The following ZFR variants were observed in gnomAD, a reference collection of about 807,000 sequenced individuals.
ZFR encodes zinc finger RNA binding protein.
A neutral mutation model predicts 130.7 loss-of-function variants in ZFR; 19 were observed. That is an observed-to-expected ratio of 0.15 (90% confidence interval 0.10 to 0.21). The LOEUF (loss-of-function observed/expected upper bound fraction) is 0.21. Ranked by LOEUF, ZFR falls within the 10% of genes least tolerant of loss-of-function variation. The probability of loss-of-function intolerance (pLI) is 1.00; values close to 1 mark genes in which losing one functional copy is unlikely to be tolerated. For missense variants in ZFR, 872 were observed against 1,321.5 expected (o/e 0.66, Z 5.27); for synonymous variants, 466 against 456.9 (o/e 1.02, Z -0.25).
intron 5 of ZFR, among the ~76,000 whole-genome samples, chr5:32,412,048 G>C (rs973270897): frequency 6.6e-6 from 1 of 152,164 alleles, no homozygotes; most frequent in African/African-American, 2.4e-5. Context: ...AATGTGAAAG[G>C]ATTTTGCAAC....
At chr5:32,397,404 A>G (rs1753338273) in intron 9 of ZFR, 66 bp from the exon 10 acceptor site, 1 of 1,557,064 alleles carries the variant, frequency 6.4e-7, no homozygotes. Context: ...AAACCCCCAC[A>G]TATTATTTGA....
At chr5:32,402,743 A>G (rs901445409) in intron 8 of ZFR, among the ~76,000 whole-genome samples, 1 of 150,588 alleles carries the variant, frequency 6.6e-6, no homozygotes, top group Non-Finnish European at 1.5e-5. Context: ...GTGCTACTGC[A>G]CTCCAGCCTC....
intron 2 of ZFR, among the ~76,000 whole-genome samples, chr5:32,433,531 C>G (rs943857983): frequency 6.6e-6 from 1 of 152,166 alleles, no homozygotes; most frequent in African/African-American, 2.4e-5. Context: ...TCTTCCTGCA[C>G]TTGCAGGGTC....
chr5:32,422,798 C>CAAAAAAAAAAAA lies in ZFR; in HGVS notation c.138-2707_138-2696dup, dbSNP rs10693151. Among the ~76,000 whole-genome samples the CAAAAAAAAAAAA allele has an allele frequency of 1.8e-3, 43 of 24,000 alleles. 1 individual carries two copies. The highest frequency in any genetic ancestry group is 5.6e-3 in the African/African-American group (38 of 6,750). The allele number at this position is 24,000 out of a possible 152,430, so 15.7% of individuals were successfully genotyped here. On this transcript the variant is annotated intron_variant, in intron 2 of 19. Transcript: ENST00000265069. ...CTGGATGACAGAGTAAAACCTGTCT[C>CAAAAAAAAAAAA]AAAAAAAAAAAAAAAAAAAAAAAAG...
intron 2 of ZFR, among the ~76,000 whole-genome samples, chr5:32,423,192 G>T (rs1024588810): frequency 6.6e-6 from 1 of 152,066 alleles, no homozygotes; most frequent in African/African-American, 2.4e-5. Flanking sequence ...AATTAGCCGC[G>T]TGTCGTGGCA....
At position 32,390,467 on chromosome 5, in the gene ZFR, T is replaced by C. The variant is rs746178041; in HGVS notation, c.1980-30A>G. 28 of 1,588,598 alleles carry C rather than the reference T, an allele frequency of 1.8e-5. No individual in the cohort carries two copies. The South Asian group carries it at 2.9e-4, about 17-fold the overall frequency. On this transcript the variant is annotated intron_variant, in intron 11 of 19. Transcript: ENST00000265069. ...AACATAAAGAATGACATTATAAGCA[T>C]ATGAGGAAAAATACAGCCCAAGAAC... is the stretch of plus-strand genomic sequence containing the variant.
At chr5:32,438,872 T>C (rs1400222936) in intron 2 of ZFR, among the ~76,000 whole-genome samples, 1 of 152,210 alleles carries the variant, frequency 6.6e-6, no homozygotes, top group Non-Finnish European at 1.5e-5. Flanking sequence ...ATTTTATATT[T>C]AAACTTCACC....
rs148538401 is a variant in ZFR at position 32,364,242 on chromosome 5, T to C, written c.2869A>G (p.Ser957Gly). 17 of 1,610,270 alleles carry C rather than the reference T, an allele frequency of 1.1e-5. No homozygotes were observed. In the African/African-American group the frequency reaches 2.3e-4, roughly 22 times the overall value. The change falls in exon 18 of 20, where the codon AGT (serine) becomes GGT (glycine). Residue 957 changes from serine (S) to glycine (G), a missense_variant. By Grantham distance (56) the Ser-to-Gly change is moderately conservative (BLOSUM62 0). Transcript: ENST00000265069. ...CCAGGGCTCTGAGGGCTAGAAGCAC[T>C]GCTGATTGCTTTCTCTACTAGTAAC... ...MELLVEKAISSASSPQSPGDA... is the reference protein window; with the variant it reads ...MELLVEKAISGASSPQSPGDA...
chr5:32,417,481 G>A (rs540471555), intron 4 of ZFR, among the ~76,000 whole-genome samples, 167 bp downstream of exon 4: 1 of 152,318 alleles, frequency 6.6e-6, no homozygotes, highest in East Asian at 1.9e-4. Flanking sequence ...AGAAAGGCAT[G>A]ATTATGAATT....
At chr5:32,363,700 G>A (rs755452973) in intron 19 of ZFR, among the ~76,000 whole-genome samples, 1 of 152,096 alleles carries the variant, frequency 6.6e-6, no homozygotes, top group Non-Finnish European at 1.5e-5. Context: ...AAATATTGCT[G>A]TATTTTTATA....
At chr5:32,440,618 G>A (rs1276142132) in intron 2 of ZFR, among the ~76,000 whole-genome samples, 1 of 151,432 alleles carries the variant, frequency 6.6e-6, no homozygotes, top group Non-Finnish European at 1.5e-5. Context: ...TTGCACTCCA[G>A]CCTGGGTGAC....
intron 9 of ZFR, among the ~76,000 whole-genome samples, chr5:32,397,849 CTTTTTTTTTTTTT>C (rs70961626): frequency 9.0e-5 from 6 of 66,868 alleles, no homozygotes; most frequent in South Asian, 7.0e-4. Flanking sequence ...GCTCTTGTAT[CTTTTTTTTTTTTT>C]TTTTTTTTTT....
At chr5:32,444,124 C>T in intron 2 of ZFR, 105 bp downstream of exon 2, 2 of 1,310,990 alleles carry the variant, frequency 1.5e-6, no homozygotes, top group South Asian at 2.9e-5. Context: ...TGCAGCGGGC[C>T]GGGGCTCTGG....
At chr5:32,359,212 T>C (rs1048664183) in intron 19 of ZFR, among the ~76,000 whole-genome samples, 1 of 151,956 alleles carries the variant, frequency 6.6e-6, no homozygotes, top group African/African-American at 2.4e-5. Flanking sequence ...AAAAAACCCC[T>C]AAAGCAAGTC....
chr5:32,400,869 T>C (rs1220540884), intron 8 of ZFR, among the ~76,000 whole-genome samples: 2 of 152,320 alleles, frequency 1.3e-5, no homozygotes, highest in South Asian at 2.1e-4. Context: ...GGGTAACATC[T>C]AGGTCATGCC....
At chr5:32,419,057 C>T (rs1753895172) in intron 3 of ZFR, among the ~76,000 whole-genome samples, 1 of 152,152 alleles carries the variant, frequency 6.6e-6, no homozygotes, top group Non-Finnish European at 1.5e-5. Context: ...TCCACCTTTG[C>T]TAAGTTTCAA....
chr5:32,443,392 T>TG (rs1754514507), intron 2 of ZFR, among the ~76,000 whole-genome samples: 2 of 152,252 alleles, frequency 1.3e-5, no homozygotes, highest in Admixed American at 1.3e-4. Flanking sequence ...CAATCTCACT[T>TG]GCATCTTCTT....
chr5:32,406,325 G>T (rs539012479), intron 6 of ZFR, among the ~76,000 whole-genome samples: 11 of 152,050 alleles, frequency 7.2e-5, no homozygotes, highest in Non-Finnish European at 1.5e-4. Flanking sequence ...ATACTATAAA[G>T]TATATATCAA....
chr5:32,390,596 CGAAGT>C (rs1753145837), intron 11 of ZFR, among the ~76,000 whole-genome samples, 159 bp from the exon 12 acceptor site: 2 of 151,982 alleles, frequency 1.3e-5, no homozygotes, highest in African/African-American at 4.8e-5. Flanking sequence ...GCTTTCATTG[CGAAGT>C]AAATGAAAGA....
Sources: gnomAD v4.1 joint callset for allele counts (sites outside exome capture counted in the v4.1 genomes callset) on GRCh38, gnomAD v4.1.1 for gene constraint, MANE v1.5 for transcripts, NCBI Gene and HGNC (gene_info 2026-07-23, HGNC 2026-07-21) for gene names.